CACNA2D3: variants seen among roughly 807,000 people sequenced by gnomAD.
The protein encoded by CACNA2D3 is voltage-dependent calcium channel subunit alpha-2/delta-3.
Under a neutral mutation model 160.6 loss-of-function variants are expected in CACNA2D3, and 60 were observed. That is an observed-to-expected ratio of 0.37 (90% CI 0.30 to 0.46). CACNA2D3 has a LOEUF of 0.46. Ranked by LOEUF, CACNA2D3 falls within the 20% of genes least tolerant of loss-of-function variation. CACNA2D3 has a pLI of 1.00. For synonymous variants in CACNA2D3, 558 were observed against 492.9 expected (o/e 1.13, Z -1.75); for missense variants, 1,205 against 1,365.0 (o/e 0.88, Z 1.85).
At chr3:54,862,620 C>G (rs1007682281) in intron 17 of CACNA2D3, among the ~76,000 whole-genome samples, 31 of 152,258 alleles carry the variant, frequency 2.0e-4, no homozygotes, top group African/African-American at 7.0e-4. Context: ...AAGGCTCTCT[C>G]TGTTCCTCAG....
At chr3:54,182,022 A>G (rs1700793828) in intron 2 of CACNA2D3, among the ~76,000 whole-genome samples, 1 of 152,192 alleles carries the variant, frequency 6.6e-6, no homozygotes, top group Admixed American at 6.5e-5. Flanking sequence ...AAATGTCGAT[A>G]AATACACCCT....
chr3:54,357,081 T>C (rs192282183), intron 3 of CACNA2D3, among the ~76,000 whole-genome samples: 18 of 152,266 alleles, frequency 1.2e-4, no homozygotes, highest in African/African-American at 4.1e-4. Flanking sequence ...TAGCTTTGGT[T>C]CCTCTTGGTG....
chr3:54,359,372 G>A (rs1698703971), intron 3 of CACNA2D3, among the ~76,000 whole-genome samples: 1 of 152,182 alleles, frequency 6.6e-6, no homozygotes, highest in African/African-American at 2.4e-5. Context: ...TCAGGCATGG[G>A]TAGAGGTCAG....
chr3:54,694,585 A>G (rs534903561), intron 11 of CACNA2D3, among the ~76,000 whole-genome samples: 12 of 152,288 alleles, frequency 7.9e-5, no homozygotes, highest in East Asian at 1.9e-4. Context: ...GATTCAGTCC[A>G]CCCACTGCTC....
chr3:54,485,298 G>T (rs921036485), intron 4 of CACNA2D3, among the ~76,000 whole-genome samples: 5 of 152,150 alleles, frequency 3.3e-5, no homozygotes, highest in African/African-American at 1.2e-4. Context: ...TTCACATTTT[G>T]CCACTCAGTT....
At chr3:54,838,796 C>T (rs1166440675) in intron 16 of CACNA2D3, 148 bp downstream of exon 16, 2 of 625,842 alleles carry the variant, frequency 3.2e-6, no homozygotes, top group Middle Eastern at 2.5e-4. Context: ...ACCATCTGCA[C>T]AGTTATTTAA....
At chr3:54,265,492 A>T (rs926870838) in intron 2 of CACNA2D3, among the ~76,000 whole-genome samples, 3 of 151,710 alleles carry the variant, frequency 2.0e-5, no homozygotes, top group Non-Finnish European at 2.9e-5. Flanking sequence ...TATGTAACAA[A>T]CCTGCACATT....
chr3:54,439,589 G>A (rs1700112003), intron 4 of CACNA2D3, among the ~76,000 whole-genome samples: 1 of 152,156 alleles, frequency 6.6e-6, no homozygotes, highest in South Asian at 2.1e-4. Flanking sequence ...GAGGGTTTGA[G>A]TCCCACTCCC....
chr3:54,855,218 C>G (rs559568703), intron 17 of CACNA2D3, among the ~76,000 whole-genome samples: 90 of 152,248 alleles, frequency 5.9e-4, no homozygotes, highest in Middle Eastern at 3.4e-3. Flanking sequence ...GGAGGGGAGT[C>G]AGGCTGTGTG....
At position 54,962,863 on chromosome 3, in the gene CACNA2D3, C is replaced by A. The variant is rs147319172; in HGVS notation, c.2450-5587C>A. On this transcript the variant is annotated intron_variant, in intron 27 of 37. Coordinates refer to ENST00000474759, the MANE Select transcript of CACNA2D3 (RefSeq NM_018398.3). Reference sequence around the variant, plus strand: ...CACTATTTTACAAACCAGATCTGTGCCCCTCTAGTATGTTGCAAGTTGAGG... The same window carrying A: ...CACTATTTTACAAACCAGATCTGTGACCCTCTAGTATGTTGCAAGTTGAGG... Among the ~76,000 whole-genome samples, 436 of 152,188 alleles carry A rather than the reference C, an allele frequency of 2.9e-3. 2 individuals are homozygous for A. Among genetic ancestry groups the A allele is most frequent in the Non-Finnish European group, 4.1e-3 (279 of 68,026 alleles).
At chr3:54,834,246 T>C (rs1430153576) in intron 14 of CACNA2D3, among the ~76,000 whole-genome samples, 1 of 152,248 alleles carries the variant, frequency 6.6e-6, no homozygotes, top group African/African-American at 2.4e-5. Flanking sequence ...TATGTTTTTA[T>C]TTCATCCATG....
chr3:54,885,678 C>A, intron 23 of CACNA2D3, 92 bp downstream of exon 23: 1 of 856,392 alleles, frequency 1.2e-6, no homozygotes, highest in Non-Finnish European at 1.9e-6. Flanking sequence ...TTAAGGGAAG[C>A]TTTGCTTTGG....
chr3:54,717,836 CGTGA>C (rs773180843), intron 11 of CACNA2D3, among the ~76,000 whole-genome samples: 33 of 117,252 alleles, frequency 2.8e-4, no homozygotes, highest in African/African-American at 5.0e-4. Context: ...GGTGTGTGTG[CGTGA>C]GTGTGTGTGT....
intron 26 of CACNA2D3, among the ~76,000 whole-genome samples, chr3:54,898,015 T>C (rs1317921968): frequency 6.6e-5 from 10 of 152,188 alleles, no homozygotes; most frequent in Non-Finnish European, 1.5e-4. Flanking sequence ...TATGCCTGCC[T>C]GTAGTTGTGT....
chr3:54,289,380 A>G (rs1703122687), intron 2 of CACNA2D3, among the ~76,000 whole-genome samples: 1 of 152,184 alleles, frequency 6.6e-6, no homozygotes, highest in African/African-American at 2.4e-5. Flanking sequence ...AAGGAGAACT[A>G]CAAACCACTG....
At position 54,963,398 on chromosome 3, in the gene CACNA2D3, G is replaced by A. The variant is rs148527984; in HGVS notation, c.2450-5052G>A. Among the ~76,000 whole-genome samples, 606 of 152,296 alleles carry A rather than the reference G, an allele frequency of 4.0e-3. 14 individuals are homozygous for A. The highest frequency in any genetic ancestry group is 0.034 in the Admixed American group (524 of 15,296). ...ATCGTCCAGTAGAAGTCTCTGCAAT[G>A]ATGGAAATATTCTAGATCTGCATGG... On this transcript the variant is annotated intron_variant, in intron 27 of 37. Coordinates refer to ENST00000474759, the MANE Select transcript of CACNA2D3 (RefSeq NM_018398.3).
At chr3:55,002,995 A>G (rs1347579233) in intron 31 of CACNA2D3, among the ~76,000 whole-genome samples, 2 of 152,170 alleles carry the variant, frequency 1.3e-5, no homozygotes, top group Admixed American at 6.5e-5. Context: ...TCACCCTTTT[A>G]AAACTGAATG....
chr3:54,174,976 G>C (rs1374018829), intron 2 of CACNA2D3, among the ~76,000 whole-genome samples: 1 of 152,192 alleles, frequency 6.6e-6, no homozygotes, highest in African/African-American at 2.4e-5. Context: ...TTTTGGTTGA[G>C]CTTCAGCTGT....
chr3:54,762,418 A>C (rs1186853970), intron 12 of CACNA2D3, among the ~76,000 whole-genome samples: 1 of 152,190 alleles, frequency 6.6e-6, no homozygotes, highest in East Asian at 1.9e-4. Flanking sequence ...TGCTCAAGGT[A>C]ACCACATTTG....
Sources: gnomAD v4.1 joint callset for allele counts (sites outside exome capture counted in the v4.1 genomes callset) on GRCh38, gnomAD v4.1.1 for gene constraint, MANE v1.5 for transcripts, NCBI Gene and HGNC (gene_info 2026-07-23, HGNC 2026-07-21) for gene names.